The following ZFHX3 variants were observed in gnomAD, a reference collection of about 807,000 sequenced individuals.
ZFHX3 encodes zinc finger homeobox protein 3.
In ZFHX3, 42 loss-of-function variants were observed where a neutral mutation model predicts 279.1. That is an observed-to-expected ratio of 0.15 (90% CI 0.12 to 0.19). ZFHX3 has a LOEUF of 0.19. Ranked by LOEUF, ZFHX3 falls within the 10% of genes least tolerant of loss-of-function variation. The pLI, the probability that ZFHX3 is intolerant of heterozygous loss-of-function variation, is 1.00. For synonymous variants in ZFHX3, 2,293 were observed against 1,957.8 expected, an observed-to-expected ratio of 1.17 and a Z score of -4.52; for missense variants, 4,981 against 4,754.0, an observed-to-expected ratio of 1.05 and a Z score of -1.40.
chr16:73,380,754 C>T (rs913631307), intron 3 of ZFHX3, among the ~76,000 whole-genome samples: 1 of 152,152 alleles, frequency 6.6e-6, no homozygotes. Context: ...CTGTAATCCC[C>T]AACTGTTTGG....
At chr16:73,749,688 G>C (rs989168021) in intron 1 of ZFHX3, among the ~76,000 whole-genome samples, 5 of 152,144 alleles carry the variant, frequency 3.3e-5, no homozygotes, top group Non-Finnish European at 7.3e-5. Flanking sequence ...GAAAAGGCAG[G>C]ACACCAATGC....
At chr16:73,779,714 A>G (rs1959386186) in intron 1 of ZFHX3, among the ~76,000 whole-genome samples, 1 of 152,168 alleles carries the variant, frequency 6.6e-6, no homozygotes, top group South Asian at 2.1e-4. Flanking sequence ...ATGAAACAGT[A>G]ATCCCAAGCC....
intron 3 of ZFHX3, among the ~76,000 whole-genome samples, chr16:73,368,275 T>C (rs183235427): frequency 1.3e-5 from 2 of 152,352 alleles, no homozygotes; most frequent in East Asian, 3.9e-4. Context: ...ACAAAAAGCC[T>C]CTGTAAAATG....
At chr16:73,864,517 G>C (rs540649151) in intron 1 of ZFHX3, among the ~76,000 whole-genome samples, 1 of 152,180 alleles carries the variant, frequency 6.6e-6, no homozygotes, top group East Asian at 1.9e-4. Context: ...CCAGGAGCTC[G>C]AGACCAGCCT....
At chr16:73,600,239 G>C (rs867178282) in intron 2 of ZFHX3, among the ~76,000 whole-genome samples, 17 of 152,276 alleles carry the variant, frequency 1.1e-4, no homozygotes, top group African/African-American at 3.4e-4. Context: ...TAAAGAAGCA[G>C]CATCATCCCT....
At chr16:73,407,452 T>A (rs1214163688) in intron 3 of ZFHX3, among the ~76,000 whole-genome samples, 1 of 152,184 alleles carries the variant, frequency 6.6e-6, no homozygotes, top group East Asian at 1.9e-4. Flanking sequence ...CCCACACAGC[T>A]TGGCAGAGGA....
chr16:73,689,987 C>T (rs1230829772), intron 1 of ZFHX3, among the ~76,000 whole-genome samples: 1 of 152,004 alleles, frequency 6.6e-6, no homozygotes, highest in African/African-American at 2.4e-5. Context: ...GCGATCTCGG[C>T]TCACCGCAAC....
At chr16:73,569,801 A>C (rs565413085) in intron 2 of ZFHX3, among the ~76,000 whole-genome samples, 2 of 152,188 alleles carry the variant, frequency 1.3e-5, no homozygotes, top group Admixed American at 1.3e-4. Flanking sequence ...AGATGCCAGG[A>C]TGGAGCTCAA....
chr16:73,580,273 G>A (rs2051845956), intron 2 of ZFHX3, among the ~76,000 whole-genome samples: 1 of 151,786 alleles, frequency 6.6e-6, no homozygotes, highest in Non-Finnish European at 1.5e-5. Flanking sequence ...AGGTCAAGAG[G>A]TTGAGACCAT....
chr16:73,188,935 C>T (rs1967972595), intron 5 of ZFHX3, among the ~76,000 whole-genome samples: 1 of 150,340 alleles, frequency 6.7e-6, no homozygotes, highest in Non-Finnish European at 1.5e-5. Flanking sequence ...GTGGTCTTGG[C>T]TCACTACAAC....
chr16:73,483,936 T>G (rs865895344), intron 2 of ZFHX3, among the ~76,000 whole-genome samples: 17 of 151,204 alleles, frequency 1.1e-4, no homozygotes, highest in Admixed American at 6.6e-4. Context: ...CTTTGTTTTT[T>G]TTTTTTTTTT....
rs532492920 is a variant in ZFHX3, at chr16:73,612,026, TG to T, written c.-1547+68153del. Among the ~76,000 whole-genome samples the T allele has an allele frequency of 1.9e-3, 289 of 152,346 alleles. 1 individual carries two copies. Among genetic ancestry groups the T allele is most frequent in the Non-Finnish European group, 3.2e-3 (220 of 68,032 alleles). Reference sequence around the variant, plus strand: ...TGAAAGACAGCAACTGTACATAACATGTTTTTTTAGTTTATAAACCGAGTTG... The same window carrying T: ...TGAAAGACAGCAACTGTACATAACATTTTTTTTAGTTTATAAACCGAGTTG... On this transcript the variant is annotated intron_variant, in intron 2 of 17. Transcript: ENST00000641206.
chr16:73,556,490 A>G (rs2020284995), intron 2 of ZFHX3, among the ~76,000 whole-genome samples: 1 of 152,214 alleles, frequency 6.6e-6, no homozygotes, highest in South Asian at 2.1e-4. Flanking sequence ...GCTTCAAAAG[A>G]AAGCGGTACA....
chr16:73,071,950 A>C (rs1965831154), intron 8 of ZFHX3, among the ~76,000 whole-genome samples: 2 of 152,076 alleles, frequency 1.3e-5, no homozygotes, highest in African/African-American at 4.8e-5. Context: ...TCCACCTCCC[A>C]CCCTAGGCTG....
chr16:72,909,013 C>T (rs1382308982), intron 3 of ZFHX3, among the ~76,000 whole-genome samples: 2 of 152,234 alleles, frequency 1.3e-5, no homozygotes, highest in East Asian at 3.9e-4. Flanking sequence ...AGTACATTAG[C>T]GAGAAGCGGA....
chr16:72,795,114 A>G lies in ZFHX3; in HGVS notation c.7568T>C (p.Leu2523Pro). ...CTGGTAGGGGATTAGCTGAGGAGGT[A>G]GGTTTGCGAGCTGTTGAGGAGTTGA... ...HTSTPQQLAN[L>P]PPQLIPYQCD... Residue 2523 changes from leucine (L) to proline (P), a missense_variant, in exon 9 of 10, where the codon CTA becomes CCA. By Grantham distance (98) the Leu-to-Pro change is moderately conservative. Transcript: ENST00000268489. The G allele has an allele frequency of 6.2e-7, 1 of 1,613,024 alleles. No individual in the cohort carries two copies. Among genetic ancestry groups the G allele is most frequent in the Non-Finnish European group, 8.5e-7 (1 of 1,179,852 alleles).
chr16:73,138,887 C>T (rs1966838685), intron 6 of ZFHX3, among the ~76,000 whole-genome samples: 1 of 152,140 alleles, frequency 6.6e-6, no homozygotes, highest in East Asian at 1.9e-4. Flanking sequence ...GACAGAGTCT[C>T]ACTGTGTTGC....
chr16:73,094,149 C>T (rs1203397198), intron 7 of ZFHX3, among the ~76,000 whole-genome samples: 1 of 152,118 alleles, frequency 6.6e-6, no homozygotes, highest in Non-Finnish European at 1.5e-5. Flanking sequence ...TTCCAATATA[C>T]CTTTGAAAAT....
At chr16:73,229,795 A>G (rs987286603) in intron 5 of ZFHX3, among the ~76,000 whole-genome samples, 1 of 152,220 alleles carries the variant, frequency 6.6e-6, no homozygotes, top group Admixed American at 6.5e-5. Flanking sequence ...GAGGACAGAG[A>G]ACCAAATAAT....
Sources: gnomAD v4.1 joint callset for allele counts (sites outside exome capture counted in the v4.1 genomes callset) on GRCh38, gnomAD v4.1.1 for gene constraint, MANE v1.5 for transcripts, NCBI Gene and HGNC (gene_info 2026-07-23, HGNC 2026-07-21) for gene names.